Variants in DYNC2H1 observed in about 807,000 individuals in gnomAD.
DYNC2H1 encodes the protein cytoplasmic dynein 2 heavy chain 1.
A neutral mutation model predicts 570.0 loss-of-function variants in DYNC2H1; 410 were observed. That is an observed-to-expected ratio of 0.72 (90% CI 0.66 to 0.78). The LOEUF is 0.78. Among genes scored for constraint, DYNC2H1 ranks in the 30% least tolerant of loss-of-function variants. The pLI is 0.00. For missense variants in DYNC2H1, 4,865 were observed against 5,046.4 expected, an observed-to-expected ratio of 0.96 and a Z score of 1.09; for synonymous variants, 1,688 against 1,677.6, an observed-to-expected ratio of 1.01 and a Z score of -0.15.
chr11:103,360,936 TCC>T (rs1210621745), intron 83 of DYNC2H1, among the ~76,000 whole-genome samples: 2 of 152,112 alleles, frequency 1.3e-5, no homozygotes, highest in African/African-American at 4.8e-5. Flanking sequence ...TGAAATGGAA[TCC>T]AAGATATGAG....
chr11:103,165,516 A>G (rs186461516), intron 30 of DYNC2H1, among the ~76,000 whole-genome samples: 24 of 152,294 alleles, frequency 1.6e-4, no homozygotes, highest in African/African-American at 5.5e-4. Context: ...AATGCTAAAG[A>G]TTGCCCTTTT....
intron 84 of DYNC2H1, among the ~76,000 whole-genome samples, chr11:103,417,148 G>A (rs1484399420): frequency 6.6e-6 from 1 of 152,102 alleles, no homozygotes; most frequent in Non-Finnish European, 1.5e-5. Flanking sequence ...GGCACAATCT[G>A]GGCTCACTGC....
intron 55 of DYNC2H1, among the ~76,000 whole-genome samples, chr11:103,219,326 T>C (rs1184069082): frequency 1.3e-5 from 2 of 151,670 alleles, no homozygotes; most frequent in Non-Finnish European, 2.9e-5. Flanking sequence ...GAAAATTGTG[T>C]ATTTCTGCTG....
chr11:103,215,649 A>C (rs965412507), intron 54 of DYNC2H1, 72 bp from the exon 55 acceptor site: 1 of 1,332,084 alleles, frequency 7.5e-7, no homozygotes, highest in African/African-American at 2.0e-5. Context: ...ATTCTTTTCT[A>C]TAGGGCTTTA....
Position 103,197,946 on chromosome 11 carries a change from T to C in DYNC2H1, c.7722T>C (p.Val2574=). The change falls in exon 48 of 89, where the codon GTT becomes GTC. Residue 2574 remains valine, a synonymous_variant. Transcript: ENST00000375735. ...ILDNMSDSFY[V]TWGARHNSGA... is the part of the protein sequence containing the mutation. ...TTATTTCCACAGATAGTTTCTACGT[T>C]ACATGGGGAGCTCGGCATAATTCAG... 2 of 1,570,034 alleles carry C rather than the reference T, an allele frequency of 1.3e-6. No homozygotes were observed. The highest frequency in any genetic ancestry group is 2.3e-5 in the South Asian group (2 of 85,210).
At position 103,324,692 on chromosome 11, in the gene DYNC2H1, T is replaced by C. The variant is rs942302840; in HGVS notation, c.12039+702T>C. ...GAACATTCATGTGCATATGTCTTTA[T>C]GGTAGAACCATTTATATTCCTTTGA... On this transcript the variant is annotated intron_variant, in intron 82 of 88. Coordinates refer to ENST00000375735, the MANE Select transcript of DYNC2H1 (RefSeq NM_001377.3). This position sits in a 1 kb window ranked among gnomAD's most constrained non-coding sequence, Gnocchi z 5.2. Among the ~76,000 whole-genome samples, 3 of 152,346 alleles carry C rather than the reference T, an allele frequency of 2.0e-5. No homozygotes were observed. The highest frequency in any genetic ancestry group is 7.2e-5 in the African/African-American group (3 of 41,578).
chr11:103,221,818 A>G (rs113088042), intron 57 of DYNC2H1, among the ~76,000 whole-genome samples: 29 of 152,270 alleles, frequency 1.9e-4, no homozygotes, highest in African/African-American at 7.0e-4. Flanking sequence ...ATTGTACCAC[A>G]GCACTCCTGC....
rs759828184 is a variant in DYNC2H1, at chr11:103,147,898, A to G, written c.2818+11A>G. 1.7e-5 allele frequency: 26 copies of G among 1,533,800 alleles called. No individual in the cohort carries two copies. Among genetic ancestry groups the G allele is most frequent in the Non-Finnish European group, 2.2e-5 (25 of 1,117,314 alleles). ...AGAAGTCCATACAGGGTAAATACAC[A>G]TTTTAATTTTTATTTTTACTTAATT... On this transcript the variant is annotated intron_variant, in intron 19 of 88. Coordinates refer to ENST00000375735, the MANE Select transcript of DYNC2H1 (RefSeq NM_001377.3).
rs1945148103 is a variant in DYNC2H1 at position 103,465,024 on chromosome 11, C to G, written c.12649-3565C>G. 6.6e-6 allele frequency among the ~76,000 whole-genome samples: 1 copy of G among 151,878 alleles called. No individual in the cohort carries two copies. Among genetic ancestry groups the G allele is most frequent in the African/African-American group, 2.4e-5 (1 of 41,338 alleles). ...GTTAAAATTCATACTATGTTCAGTA[C>G]TGAATACTTTAAGAATTTATTAGAA... On this transcript the variant is annotated intron_variant, in intron 87 of 88. Coordinates refer to ENST00000375735, the MANE Select transcript of DYNC2H1 (RefSeq NM_001377.3). The surrounding 1 kb of genome is among the most constrained non-coding windows in gnomAD (Gnocchi z 4.9).
At chr11:103,309,168 A>ATTTTTTTTTTTTTTTTTTATTT (rs1867446834) in intron 78 of DYNC2H1, among the ~76,000 whole-genome samples, 1 of 54,620 alleles carries the variant, frequency 1.8e-5, no homozygotes, top group Non-Finnish European at 3.4e-5. Context: ...ACTGCATGCT[A>ATTTTTTTTTTTTTTTTTTATTT]TTTTTTTTTT....
At chr11:103,451,878 C>T (rs1221228387) in intron 85 of DYNC2H1, among the ~76,000 whole-genome samples, 1 of 152,054 alleles carries the variant, frequency 6.6e-6, no homozygotes, top group Non-Finnish European at 1.5e-5. Flanking sequence ...AACTCATTTT[C>T]ATATTTGTGG....
intron 85 of DYNC2H1, among the ~76,000 whole-genome samples, chr11:103,449,077 A>G (rs1292696723): frequency 6.6e-6 from 1 of 152,212 alleles, no homozygotes; most frequent in East Asian, 1.9e-4. Flanking sequence ...AGGTAAGGGA[A>G]TAGCCTATAC....
intron 70 of DYNC2H1, among the ~76,000 whole-genome samples, chr11:103,269,794 A>G (rs1321921709): frequency 6.6e-6 from 1 of 152,214 alleles, no homozygotes; most frequent in Non-Finnish European, 1.5e-5. Flanking sequence ...TTTTATATCT[A>G]AGTACCTTTA....
chr11:103,316,599 A>G lies in DYNC2H1; in HGVS notation c.11704A>G (p.Ile3902Val). The part of the protein sequence containing the change: ...SLSDLRAGYN[I>V]IDRLFDGAKD... ...ATCAGATCTTCGGGCTGGGTACAAC[A>G]TTATTGACAGACTTTTTGATGGTAA... is the stretch of plus-strand genomic sequence containing the variant. Residue 3902 changes from isoleucine (I) to valine (V), a missense_variant, in exon 80 of 89, where the codon ATT becomes GTT. Physicochemically the swap from Ile to Val is conservative, Grantham distance 29 (BLOSUM62 3). Coordinates refer to ENST00000375735, the MANE Select transcript of DYNC2H1 (RefSeq NM_001377.3). The G allele has an allele frequency of 1.3e-6, 2 of 1,547,678 alleles. No individual in the cohort carries two copies. The highest frequency in any genetic ancestry group is 1.7e-6 in the Non-Finnish European group (2 of 1,148,682).
At chr11:103,130,808 A>G (rs565846997) in intron 13 of DYNC2H1, among the ~76,000 whole-genome samples, 11 of 152,302 alleles carry the variant, frequency 7.2e-5, no homozygotes, top group Non-Finnish European at 1.3e-4. Flanking sequence ...GAGGAAACTT[A>G]TTTTGTAAAA....
At position 103,112,570 on chromosome 11, in the gene DYNC2H1, T is replaced by C. The variant is rs541076667; in HGVS notation, c.196-967T>C. Among the ~76,000 whole-genome samples, 7 of 152,326 alleles carry C rather than the reference T, an allele frequency of 4.6e-5. No individual in the cohort carries two copies. In the East Asian group the frequency reaches 7.7e-4, roughly 17 times the overall value. The stretch of plus-strand genomic sequence containing the variant: ...ATGGCTATGTTCTAATAAAACTTTA[T>C]GGACACTGACATGTGGATTTCATAT... On this transcript the variant is annotated intron_variant, in intron 1 of 88. Transcript: ENST00000375735.
chr11:103,357,213 G>T (rs1442926301), intron 82 of DYNC2H1, among the ~76,000 whole-genome samples: 1 of 151,818 alleles, frequency 6.6e-6, no homozygotes, highest in Non-Finnish European at 1.5e-5. Context: ...TCTTAAAATG[G>T]GAATCATTAA....
intron 82 of DYNC2H1, among the ~76,000 whole-genome samples, chr11:103,348,014 A>T (rs1287586918): frequency 6.6e-6 from 1 of 152,122 alleles, no homozygotes; most frequent in Non-Finnish European, 1.5e-5. Flanking sequence ...TAGACGGGGG[A>T]GGGATTGCGA....
At chr11:103,253,042 A>G (rs904833589) in intron 65 of DYNC2H1, among the ~76,000 whole-genome samples, 2 of 152,202 alleles carry the variant, frequency 1.3e-5, no homozygotes, top group Non-Finnish European at 2.9e-5. Context: ...CTGAATGAGA[A>G]TAGATATTCC....
Sources: gnomAD v4.1 joint callset for allele counts (sites outside exome capture counted in the v4.1 genomes callset) on GRCh38, gnomAD v4.1.1 for gene constraint, Gnocchi (gnomAD v3.1) non-coding constraint, MANE v1.5 for transcripts, NCBI Gene and HGNC (gene_info 2026-07-23, HGNC 2026-07-21) for gene names.